Variants in DLC1 observed in about 807,000 individuals in gnomAD.
DLC1 encodes rho GTPase-activating protein 7.
In DLC1, 54 loss-of-function variants were observed where a neutral mutation model predicts 140.3. That is an observed-to-expected ratio of 0.38 (90% CI 0.31 to 0.48). The LOEUF (loss-of-function observed/expected upper bound fraction) is 0.48. Ranked by LOEUF, DLC1 falls within the 20% of genes least tolerant of loss-of-function variation. The probability of loss-of-function intolerance (pLI) is 0.96; values close to 1 mark genes in which losing one functional copy is unlikely to be tolerated. For synonymous variants in DLC1, 986 were observed against 728.1 expected (o/e 1.35, Z -5.70); for missense variants, 2,536 against 1,907.0 (o/e 1.33, Z -6.14).
chr8:13,294,798 A>G (rs1831884533), intron 5 of DLC1, among the ~76,000 whole-genome samples: 2 of 152,122 alleles, frequency 1.3e-5, no homozygotes. Flanking sequence ...TTGAATCCTG[A>G]TTTGGCCACA....
At chr8:13,389,860 T>C (rs1836674055) in intron 4 of DLC1, among the ~76,000 whole-genome samples, 1 of 152,158 alleles carries the variant, frequency 6.6e-6, no homozygotes, top group South Asian at 2.1e-4. Context: ...GCTGTAATGA[T>C]TGTGTCATTA....
intron 5 of DLC1, among the ~76,000 whole-genome samples, chr8:13,277,037 T>G (rs1249520785): frequency 6.6e-6 from 1 of 152,164 alleles, no homozygotes; most frequent in Admixed American, 6.5e-5. Context: ...AATGGAGACC[T>G]GAGAGGCCAG....
At chr8:13,132,862 G>T in intron 5 of DLC1, 1 of 1,505,382 alleles carries the variant, frequency 6.6e-7, no homozygotes, top group Non-Finnish European at 9.1e-7. Flanking sequence ...TTGACAAGGC[G>T]GGGTGACACT....
chr8:13,318,068 C>A (rs1015485745), intron 4 of DLC1, among the ~76,000 whole-genome samples: 1 of 152,032 alleles, frequency 6.6e-6, no homozygotes, highest in Non-Finnish European at 1.5e-5. Flanking sequence ...TTTTGTGTTA[C>A]CCAGGATGGA....
intron 5 of DLC1, among the ~76,000 whole-genome samples, chr8:13,117,638 T>G (rs112248525): frequency 0.017 from 2,598 of 152,380 alleles, 76 homozygotes; most frequent in African/African-American, 0.059. Context: ...AACAGACTGT[T>G]AGACATTGAA....
chr8:13,188,593 A>G (rs1158965591), intron 5 of DLC1, among the ~76,000 whole-genome samples: 1 of 143,546 alleles, frequency 7.0e-6, no homozygotes, highest in Non-Finnish European at 1.5e-5. Context: ...TTTCTATACA[A>G]TGTCTATTAC....
At chr8:13,205,286 G>GAA (rs1827602738) in intron 5 of DLC1, among the ~76,000 whole-genome samples, 3 of 152,136 alleles carry the variant, frequency 2.0e-5, no homozygotes, top group Admixed American at 2.0e-4. Context: ...ATCCATTGGA[G>GAA]AAAATATGAC....
intron 2 of DLC1, among the ~76,000 whole-genome samples, chr8:13,446,657 A>C (rs147489228): frequency 0.024 from 3,598 of 152,094 alleles, 61 homozygotes; most frequent in Middle Eastern, 0.041. Flanking sequence ...GAAAGGAAAT[A>C]AGAAAAGGAA....
At chr8:13,231,941 A>G (rs956360049) in intron 5 of DLC1, among the ~76,000 whole-genome samples, 3 of 152,174 alleles carry the variant, frequency 2.0e-5, no homozygotes, top group African/African-American at 7.2e-5. Context: ...AGAAAACATT[A>G]TTCATGTTTG....
At chr8:13,414,547 G>A (rs937514028) in intron 2 of DLC1, among the ~76,000 whole-genome samples, 1 of 152,048 alleles carries the variant, frequency 6.6e-6, no homozygotes, top group Non-Finnish European at 1.5e-5. Flanking sequence ...GTTTCTTTTA[G>A]CTCAAAGATA....
intron 5 of DLC1, among the ~76,000 whole-genome samples, chr8:13,212,225 C>G (rs1563168315): frequency 6.6e-6 from 1 of 152,170 alleles, no homozygotes; most frequent in Non-Finnish European, 1.5e-5. Flanking sequence ...ATCAGGATGA[C>G]CAACCAGCCA....
intron 5 of DLC1, among the ~76,000 whole-genome samples, chr8:13,236,297 A>G (rs1468471432): frequency 6.6e-6 from 1 of 152,070 alleles, no homozygotes; most frequent in East Asian, 1.9e-4. Context: ...GACTATATTT[A>G]TCAACTTATT....
chr8:13,326,626 G>A (rs938850339), intron 4 of DLC1, among the ~76,000 whole-genome samples: 2 of 152,074 alleles, frequency 1.3e-5, no homozygotes, highest in African/African-American at 4.8e-5. Flanking sequence ...GTTGTAAAAC[G>A]GTAAACCTGG....
At chr8:13,217,643 G>C (rs533029636) in intron 5 of DLC1, among the ~76,000 whole-genome samples, 27 of 152,024 alleles carry the variant, frequency 1.8e-4, no homozygotes, top group Admixed American at 5.2e-4. Flanking sequence ...GACCATCCTG[G>C]CTAACATGGT....
At chr8:13,161,023 G>A (rs1486057968) in intron 5 of DLC1, among the ~76,000 whole-genome samples, 1 of 152,232 alleles carries the variant, frequency 6.6e-6, no homozygotes, top group African/African-American at 2.4e-5. Context: ...AGAGCTTGCA[G>A]TGAGCCGAGA....
At chr8:13,144,010 T>C (rs770135656) in intron 5 of DLC1, among the ~76,000 whole-genome samples, 1 of 152,124 alleles carries the variant, frequency 6.6e-6, no homozygotes, top group Non-Finnish European at 1.5e-5. Context: ...TAATTTTTGG[T>C]GGCAACTTGA....
chr8:13,278,514 A>T (rs1002956604), intron 5 of DLC1, among the ~76,000 whole-genome samples: 1 of 152,216 alleles, frequency 6.6e-6, no homozygotes, highest in East Asian at 1.9e-4. Context: ...ATCGACCAAA[A>T]GTGATTCCAA....
chr8:13,103,490 C>A (rs1819280822), intron 7 of DLC1, among the ~76,000 whole-genome samples: 1 of 151,908 alleles, frequency 6.6e-6, no homozygotes, highest in Non-Finnish European at 1.5e-5. Context: ...AAAAATCATT[C>A]TTCCAATAAC....
At chr8:13,468,000 C>G (rs1181203999) in intron 2 of DLC1, among the ~76,000 whole-genome samples, 1 of 152,102 alleles carries the variant, frequency 6.6e-6, no homozygotes, top group East Asian at 1.9e-4. Context: ...ATGTTTATGA[C>G]TGACATTCGT....
Sources: allele counts gnomAD v4.1 joint callset (sites outside exome capture counted in the v4.1 genomes callset), GRCh38; gene constraint gnomAD v4.1.1; transcripts MANE v1.5; gene names NCBI Gene and HGNC (gene_info 2026-07-23, HGNC 2026-07-21).